Variants in SUGCT observed in about 807,000 individuals in gnomAD.
The protein encoded by SUGCT is succinyl-CoA:glutarate-CoA transferase.
In SUGCT, 41 loss-of-function variants were observed where a neutral mutation model predicts 55.0. The ratio of observed to expected loss-of-function variants is 0.74; its 90% confidence interval spans 0.58 to 0.97. SUGCT has a LOEUF of 0.97. Among genes scored for constraint, SUGCT ranks in the 50% least tolerant of loss-of-function variants. The pLI is 0.00. For missense variants in SUGCT, 568 were observed against 547.8 expected (o/e 1.04, Z -0.37); for synonymous variants, 187 against 200.4 (o/e 0.93, Z 0.56).
the SUGCT span, among the ~76,000 whole-genome samples, chr7:40,926,864 G>A: frequency 1.1e-4 from 16 of 152,146 alleles, no homozygotes; most frequent in African/African-American, 3.9e-4. Context: ...AATACACTTT[G>A]GTTTGTTTTT....
the SUGCT span, among the ~76,000 whole-genome samples, chr7:40,911,912 G>A: frequency 3.3e-5 from 5 of 152,260 alleles, no homozygotes; most frequent in South Asian, 4.1e-4. Flanking sequence ...GGATGTACGC[G>A]TGTGTGTGCA....
At chr7:41,033,202 A>T in the SUGCT span, among the ~76,000 whole-genome samples, 1 of 152,210 alleles carries the variant, frequency 6.6e-6, no homozygotes. Flanking sequence ...CATTGAGGGG[A>T]CATCTGAATA....
intron 12 of SUGCT, among the ~76,000 whole-genome samples, chr7:40,693,021 G>A (rs1490699937): frequency 6.6e-6 from 1 of 152,210 alleles, no homozygotes; most frequent in Non-Finnish European, 1.5e-5. Flanking sequence ...GGGCTTTGGA[G>A]AGAGGAAAGG....
intron 8 of SUGCT, among the ~76,000 whole-genome samples, chr7:40,311,008 CA>C (rs1428899125): frequency 2.0e-5 from 3 of 152,184 alleles, no homozygotes; most frequent in African/African-American, 7.2e-5. Flanking sequence ...ACAGGCATCT[CA>C]AATTCAACAC....
At chr7:40,720,700 A>T (rs550423849) in intron 12 of SUGCT, among the ~76,000 whole-genome samples, 1 of 152,324 alleles carries the variant, frequency 6.6e-6, no homozygotes, top group East Asian at 1.9e-4. Context: ...AAATAAGTAA[A>T]ATAATAGCCT....
intron 9 of SUGCT, among the ~76,000 whole-genome samples, chr7:40,350,748 C>T (rs779674558): frequency 1.3e-5 from 2 of 152,014 alleles, no homozygotes; most frequent in Admixed American, 6.6e-5. Flanking sequence ...CCCATCAACC[C>T]GTCATCTACA....
chr7:40,199,766 A>G (rs982683569), intron 6 of SUGCT, among the ~76,000 whole-genome samples: 2 of 149,704 alleles, frequency 1.3e-5, no homozygotes, highest in African/African-American at 2.4e-5. Context: ...TAGTGGGAAC[A>G]CTGTACATGT....
intron 9 of SUGCT, among the ~76,000 whole-genome samples, chr7:40,332,920 T>C (rs892258707): frequency 6.6e-6 from 1 of 152,152 alleles, no homozygotes; most frequent in Non-Finnish European, 1.5e-5. Context: ...AGTGGTGTAT[T>C]GGATGAAGGT....
intron 10 of SUGCT, among the ~76,000 whole-genome samples, chr7:40,451,140 A>G (rs903211355): frequency 1.3e-5 from 2 of 152,204 alleles, no homozygotes; most frequent in African/African-American, 4.8e-5. Flanking sequence ...TGCGTACTCT[A>G]ACTGCAGAGA....
chr7:40,398,952 A>G (rs1383817015), intron 9 of SUGCT, among the ~76,000 whole-genome samples: 1 of 152,200 alleles, frequency 6.6e-6, no homozygotes, highest in Non-Finnish European at 1.5e-5. Flanking sequence ...GTCCATAATC[A>G]GTATAAATAA....
chr7:40,993,886 G>A, the SUGCT span, among the ~76,000 whole-genome samples: 1 of 152,116 alleles, frequency 6.6e-6, no homozygotes, highest in Non-Finnish European at 1.5e-5. Flanking sequence ...TCAGGAACAA[G>A]TGAAAAAATA....
the SUGCT span, among the ~76,000 whole-genome samples, chr7:40,986,324 A>T: frequency 6.6e-6 from 1 of 152,220 alleles, no homozygotes; most frequent in African/African-American, 2.4e-5. Flanking sequence ...AAAATGAATA[A>T]GAGTTTTAGT....
intron 13 of SUGCT, chr7:40,785,168 C>G (rs1789951126): frequency 6.6e-6 from 1 of 152,144 alleles, no homozygotes; most frequent in South Asian, 2.1e-4. Flanking sequence ...TTGATATCAA[C>G]CATTTCTTCT....
chr7:40,740,854 G>A (rs1447259250), intron 12 of SUGCT, among the ~76,000 whole-genome samples: 2 of 151,968 alleles, frequency 1.3e-5, no homozygotes, highest in Non-Finnish European at 2.9e-5. Context: ...CAGTAAGTTT[G>A]AAAATGCTGA....
intron 12 of SUGCT, among the ~76,000 whole-genome samples, chr7:40,575,873 G>C (rs927732064): frequency 1.3e-5 from 2 of 151,750 alleles, no homozygotes; most frequent in African/African-American, 4.8e-5. Context: ...TGAACCAGGA[G>C]GGGGAGGTTG....
chr7:40,257,133 C>A (rs1021874822), intron 7 of SUGCT, among the ~76,000 whole-genome samples: 12 of 152,106 alleles, frequency 7.9e-5, no homozygotes, highest in Non-Finnish European at 2.9e-5. Flanking sequence ...CAACCTCCGC[C>A]TCATGGGTTT....
chr7:40,330,805 TC>T (rs1162706544), intron 9 of SUGCT, among the ~76,000 whole-genome samples: 4 of 152,244 alleles, frequency 2.6e-5, no homozygotes, highest in Middle Eastern at 3.4e-3. Flanking sequence ...CATATAATTT[TC>T]TTTTGTTCAA....
intron 1 of SUGCT, among the ~76,000 whole-genome samples, chr7:40,162,778 C>T (rs539071407): frequency 1.5e-4 from 23 of 152,310 alleles, no homozygotes; most frequent in South Asian, 4.1e-4. Flanking sequence ...TGAGTCACCT[C>T]GCCCAGCCCT....
chr7:40,397,528 A>G (rs1785806397), intron 9 of SUGCT, among the ~76,000 whole-genome samples: 1 of 152,210 alleles, frequency 6.6e-6, no homozygotes, highest in Admixed American at 6.5e-5. Flanking sequence ...CCTCACAAAG[A>G]TCATTGTGGA....
Sources: gnomAD v4.1 joint callset for allele counts (sites outside exome capture counted in the v4.1 genomes callset) on GRCh38, gnomAD v4.1.1 for gene constraint, MANE v1.5 for transcripts, NCBI Gene and HGNC (gene_info 2026-07-23, HGNC 2026-07-21) for gene names.